Variants in GGA2 observed in about 807,000 individuals in gnomAD.
GGA2 encodes the protein ADP-ribosylation factor-binding protein GGA2.
Under a neutral mutation model 79.5 loss-of-function variants are expected in GGA2, and 48 were observed. The observed-to-expected ratio is 0.60, with a 90% CI of 0.48 to 0.77. The LOEUF is 0.77. GGA2 is among the 30% of genes least tolerant of loss of function. The probability of loss-of-function intolerance (pLI) is 0.00; values close to 1 mark genes in which losing one functional copy is unlikely to be tolerated. For synonymous variants in GGA2, 317 were observed against 302.0 expected (o/e 1.05, Z -0.51); for missense variants, 770 against 774.0 (o/e 0.99, Z 0.06).
At chr16:23,480,606 C>A (rs201630631) in intron 10 of GGA2, 39 bp downstream of exon 10, 2 of 1,565,188 alleles carry the variant, frequency 1.3e-6, no homozygotes, top group South Asian at 2.2e-5. Flanking sequence ...TACAGGCTGC[C>A]CCAAGGCAGA....
chr16:23,480,575 AC>A, intron 10 of GGA2, 69 bp downstream of exon 10: 1 of 1,329,020 alleles, frequency 7.5e-7, no homozygotes, highest in Non-Finnish European at 1.1e-6. Context: ...TATGTTTAGG[AC>A]CCATTTCTTT....
At chr16:23,471,537 CAATG>C (rs1469049180) in intron 14 of GGA2, among the ~76,000 whole-genome samples, 1 of 151,864 alleles carries the variant, frequency 6.6e-6, no homozygotes, top group Non-Finnish European at 1.5e-5. Context: ...AGGGCTGGCT[CAATG>C]AATGGCACTC....
At chr16:23,491,028 T>C (rs1392172597) in intron 5 of GGA2, among the ~76,000 whole-genome samples, 1 of 152,088 alleles carries the variant, frequency 6.6e-6, no homozygotes, top group Non-Finnish European at 1.5e-5. Flanking sequence ...ACCCTGTCTC[T>C]ACAAAAAATA....
At chr16:23,515,317 C>G (rs2142151187), upstream of GGA2, among the ~76,000 whole-genome samples, 1 of 151,514 alleles carries the variant, frequency 6.6e-6, no homozygotes, top group Admixed American at 6.6e-5. Context: ...TATTAAAAGG[C>G]CAGGCATGGT....
intron 14 of GGA2, 75 bp downstream of exon 14, chr16:23,474,827 CTG>C (rs1964556052): frequency 9.1e-7 from 1 of 1,099,060 alleles, no homozygotes; most frequent in Non-Finnish European, 1.4e-6. Flanking sequence ...CTCTATCAAA[CTG>C]GAGTGGAAAA....
chr16:23,497,039 C>CTTGA (rs59785925), intron 1 of GGA2, among the ~76,000 whole-genome samples: 3 of 150,292 alleles, frequency 2.0e-5, no homozygotes, highest in Non-Finnish European at 4.4e-5. Flanking sequence ...GGAAAGACTG[C>CTTGA]GGCTGCAGTG....
At chr16:23,514,198 C>G (rs1965090612), upstream of GGA2, among the ~76,000 whole-genome samples, 1 of 151,938 alleles carries the variant, frequency 6.6e-6, no homozygotes, top group Non-Finnish European at 1.5e-5. Flanking sequence ...CTCTGCCTCC[C>G]AGGTTCAATT....
At chr16:23,506,284 C>T (rs1313743137) in intron 1 of GGA2, among the ~76,000 whole-genome samples, 1 of 152,130 alleles carries the variant, frequency 6.6e-6, no homozygotes, top group Non-Finnish European at 1.5e-5. Flanking sequence ...CTTATCCCTC[C>T]ATTGCAGCAC....
intron 10 of GGA2, 100 bp from the exon 11 acceptor site, chr16:23,479,987 G>A: frequency 9.3e-7 from 1 of 1,080,468 alleles, no homozygotes; most frequent in South Asian, 1.5e-5. Context: ...CTAATCAAAT[G>A]GTAACGCCCT....
intron 5 of GGA2, among the ~76,000 whole-genome samples, chr16:23,489,251 T>C (rs1964752882): frequency 6.6e-6 from 1 of 152,214 alleles, no homozygotes; most frequent in Non-Finnish European, 1.5e-5. Context: ...TTTGTTGTTT[T>C]TGAGACAGAT....
chr16:23,464,799 T>A lies in GGA2; in HGVS notation c.*2791A>T. 6.4e-6 allele frequency: 1 copy of A among 155,348 alleles called. No homozygotes were observed. Among genetic ancestry groups the A allele is most frequent in the Admixed American group, 6.2e-5 (1 of 16,182 alleles). 9.6% of individuals were successfully genotyped at this position (155,348 alleles called of 1,614,324 possible). On this transcript the variant is annotated 3_prime_UTR_variant, in exon 17 of 17. Transcript: ENST00000309859. ...CAACAGTGGAACCTCCAGATACAGA[T>A]AACCCCTGACAGACTGAAATACGAT...
intron 5 of GGA2, among the ~76,000 whole-genome samples, chr16:23,489,666 G>A (rs868558127): frequency 6.6e-6 from 1 of 152,156 alleles, no homozygotes; most frequent in Non-Finnish European, 1.5e-5. Context: ...AACTAAGCTA[G>A]AATTATTTAA....
intron 1 of GGA2, among the ~76,000 whole-genome samples, chr16:23,506,087 C>T (rs1479249739): frequency 2.6e-5 from 4 of 152,120 alleles, no homozygotes; most frequent in Non-Finnish European, 5.9e-5. Context: ...TTGATTCTCT[C>T]AACAACCCTA....
chr16:23,516,330 T>C lies in GGA2; in HGVS notation c.61+3257A>G, dbSNP rs1466853113. ...CTCGGCCTTTTCAGCTTCTATAATT[T>C]GGTGAGGCACTATCTAATAATAAAT... On this transcript the variant is annotated intron_variant, in intron 2 of 5. Coordinates refer to the GGA2 transcript ENST00000569300. 3.3e-5 allele frequency among the ~76,000 whole-genome samples: 5 copies of C among 152,298 alleles called. No individual in the cohort carries two copies. The South Asian group carries it at 8.3e-4, about 25-fold the overall frequency.
At chr16:23,511,713 T>A (rs771352039), upstream of GGA2, among the ~76,000 whole-genome samples, 58 of 152,130 alleles carry the variant, frequency 3.8e-4, no homozygotes, top group Admixed American at 9.8e-4. Flanking sequence ...AAAAGATAAT[T>A]TTCCCAAAAA....
At chr16:23,495,371 G>GT (rs989485027) in intron 2 of GGA2, 20 of 188,704 alleles carry the variant, frequency 1.1e-4, no homozygotes, top group Non-Finnish European at 1.3e-4. Context: ...GCTATCCTGT[G>GT]TTTTTTTTCC....
intron 10 of GGA2, 34 bp downstream of exon 10, chr16:23,480,611 G>A (rs1964634724): frequency 6.3e-7 from 1 of 1,581,358 alleles, no homozygotes; most frequent in Non-Finnish European, 8.7e-7. Flanking sequence ...GCTGCCCCAA[G>A]GCAGAGAAGG....
intron 8 of GGA2, 24 bp downstream of exon 8, chr16:23,485,991 C>A (rs1004124166): frequency 1.9e-6 from 3 of 1,606,726 alleles, no homozygotes; most frequent in African/African-American, 2.7e-5. Context: ...ACATGTGCAG[C>A]CCCCTGTGTT....
upstream of GGA2, chr16:23,523,428 G>C (rs1348997881): frequency 2.6e-5 from 4 of 152,230 alleles, no homozygotes; most frequent in Non-Finnish European, 5.9e-5. Context: ...CTGGAAAAAC[G>C]GAACAGATGA....
Sources: gnomAD v4.1 joint callset for allele counts (sites outside exome capture counted in the v4.1 genomes callset) on GRCh38, gnomAD v4.1.1 for gene constraint, MANE v1.5 for transcripts, NCBI Gene and HGNC (gene_info 2026-07-23, HGNC 2026-07-21) for gene names.